The following PRKG2 variants were observed in gnomAD, a reference collection of about 807,000 sequenced individuals.
PRKG2 encodes the protein cGMP-dependent protein kinase 2.
A neutral mutation model predicts 97.2 loss-of-function variants in PRKG2; 33 were observed. That is an observed-to-expected ratio of 0.34 (90% CI 0.26 to 0.45). The LOEUF (loss-of-function observed/expected upper bound fraction) is 0.45, where lower values mean the gene tolerates loss of function less well. Among genes scored for constraint, PRKG2 ranks in the 20% least tolerant of loss-of-function variants. The pLI, the probability that PRKG2 is intolerant of heterozygous loss-of-function variation, is 1.00. For synonymous variants in PRKG2, 330 were observed against 321.8 expected (o/e 1.03, Z -0.27); for missense variants, 638 against 900.0 (o/e 0.71, Z 3.73).
intron 2 of PRKG2, among the ~76,000 whole-genome samples, chr4:81,180,699 CTAAT>C (rs1751328757): frequency 6.6e-6 from 1 of 152,160 alleles, no homozygotes; most frequent in Non-Finnish European, 1.5e-5. Flanking sequence ...ACACATCTCT[CTAAT>C]TAATAGAATA....
intron 14 of PRKG2, among the ~76,000 whole-genome samples, chr4:81,121,690 T>C (rs113638395): frequency 0.026 from 3,992 of 152,280 alleles, 171 homozygotes; most frequent in African/African-American, 0.091. Flanking sequence ...CCCTCTTTCA[T>C]TTCTGATATT....
intron 14 of PRKG2, among the ~76,000 whole-genome samples, chr4:81,119,887 G>T (rs543705841): frequency 6.6e-6 from 1 of 152,130 alleles, no homozygotes; most frequent in East Asian, 1.9e-4. Context: ...TGTTAGCCAG[G>T]ATGGTCTTGA....
At chr4:81,216,989 G>C (rs1298663951), upstream of PRKG2, among the ~76,000 whole-genome samples, 1 of 145,516 alleles carries the variant, frequency 6.9e-6, no homozygotes, top group South Asian at 2.2e-4. Context: ...GGTACACAGT[G>C]TATGTGTGTG....
intron 5 of PRKG2, among the ~76,000 whole-genome samples, chr4:81,168,588 G>A (rs531829655): frequency 1.3e-5 from 2 of 151,990 alleles, no homozygotes; most frequent in African/African-American, 4.8e-5. Flanking sequence ...AACCTATGTT[G>A]CTCAGTTGGT....
chr4:81,182,737 T>C (rs1218709831), intron 2 of PRKG2, among the ~76,000 whole-genome samples: 7 of 152,116 alleles, frequency 4.6e-5, no homozygotes, highest in Non-Finnish European at 7.4e-5. Context: ...AATTTAATTG[T>C]ATTTCTATAT....
intron 1 of PRKG2, among the ~76,000 whole-genome samples, chr4:81,213,905 T>G (rs1213567090): frequency 6.6e-6 from 1 of 152,066 alleles, no homozygotes; most frequent in African/African-American, 2.4e-5. Context: ...TCGTTTATTC[T>G]TAGTCATACA....
intron 17 of PRKG2, 47 bp from the exon 18 acceptor site, chr4:81,092,499 AGG>A: frequency 9.3e-7 from 1 of 1,080,288 alleles, no homozygotes; most frequent in South Asian, 1.4e-5. Context: ...GAAGGAAGGA[AGG>A]AAGGAAGGAA....
intron 10 of PRKG2, 53 bp from the exon 11 acceptor site, chr4:81,143,000 T>G: frequency 6.6e-7 from 1 of 1,508,262 alleles, no homozygotes; most frequent in Non-Finnish European, 8.9e-7. Context: ...TAAGAAGGTG[T>G]CATGCCATAC....
chr4:81,171,213 T>C (rs572968821), intron 4 of PRKG2, among the ~76,000 whole-genome samples: 7 of 151,752 alleles, frequency 4.6e-5, no homozygotes, highest in Non-Finnish European at 8.8e-5. Context: ...CCTCCCTGTG[T>C]CCATGTGTTC....
intron 17 of PRKG2, among the ~76,000 whole-genome samples, chr4:81,100,247 G>C (rs570993946): frequency 7.2e-4 from 109 of 152,068 alleles, no homozygotes; most frequent in Non-Finnish European, 8.5e-4. Context: ...AAAGAGCCCG[G>C]ATTGCCAAGT....
At position 81,140,534 on chromosome 4, in the gene PRKG2, T is replaced by G. The variant is rs373273232; in HGVS notation, c.1543A>C (p.Lys515Gln). ...LEELCSPFIV[K>Q]LYRTFKDNKY... ...CTTGGAAGCCAAGTGGTCACTTACT[T>G]CACAATGAATGGAGAGCACAGCTCC... Residue 515 changes from lysine to glutamine, a missense_variant and splice_region_variant, in exon 12 of 19, where the codon AAA (lysine) becomes CAA (glutamine). Lys to Gln is a moderately conservative substitution (Grantham distance 53, BLOSUM62 1). Around this residue, in one of 3 missense-constraint regions of PRKG2, gnomAD observed 304 missense variants for 460.5 expected, o/e 0.66. Coordinates refer to ENST00000264399, the MANE Select transcript of PRKG2 (RefSeq NM_006259.3). 47 of 1,578,866 alleles carry G rather than the reference T, an allele frequency of 3.0e-5. No homozygotes were observed. The African/African-American group carries it at 6.2e-4, about 21-fold the overall frequency.
chr4:81,102,837 T>C (rs146282075), intron 17 of PRKG2, among the ~76,000 whole-genome samples: 21 of 152,308 alleles, frequency 1.4e-4, no homozygotes, highest in Admixed American at 1.4e-3. Flanking sequence ...ATAGCATTTC[T>C]ATTCAGCAAC....
At chr4:81,094,261 T>C (rs979019250) in intron 17 of PRKG2, among the ~76,000 whole-genome samples, 1 of 152,146 alleles carries the variant, frequency 6.6e-6, no homozygotes, top group Non-Finnish European at 1.5e-5. Context: ...CTGTAGCTAT[T>C]TTTGGGAAAG....
intron 18 of PRKG2, among the ~76,000 whole-genome samples, chr4:81,091,832 AAACCATTAGC>A (rs1291331573): frequency 6.6e-6 from 1 of 152,192 alleles, no homozygotes; most frequent in African/African-American, 2.4e-5. Context: ...TCCAATAACA[AAACCATTAGC>A]AACACGAAGT....
chr4:81,145,661 T>C (rs1170612761), intron 9 of PRKG2, among the ~76,000 whole-genome samples: 1 of 152,178 alleles, frequency 6.6e-6, no homozygotes, highest in Non-Finnish European at 1.5e-5. Context: ...GTCAACTTTC[T>C]TGATTACTTC....
At chr4:81,159,416 T>G (rs562463524) in intron 6 of PRKG2, among the ~76,000 whole-genome samples, 1 of 152,178 alleles carries the variant, frequency 6.6e-6, no homozygotes, top group South Asian at 2.1e-4. Flanking sequence ...GAGATACCAT[T>G]TCACACCAGT....
intron 17 of PRKG2, among the ~76,000 whole-genome samples, chr4:81,095,525 T>C (rs1742031023): frequency 6.6e-6 from 1 of 152,226 alleles, no homozygotes; most frequent in Non-Finnish European, 1.5e-5. Context: ...ACCATCACTC[T>C]ACTGAATCAA....
chr4:81,165,209 A>G (rs1050491414), intron 6 of PRKG2, among the ~76,000 whole-genome samples: 1 of 152,152 alleles, frequency 6.6e-6, no homozygotes, highest in Non-Finnish European at 1.5e-5. Context: ...AGCTAAAGCA[A>G]GAAATGCCAT....
intron 3 of PRKG2, chr4:81,173,746 T>C (rs1257469266): frequency 6.6e-6 from 1 of 152,054 alleles, no homozygotes; most frequent in African/African-American, 2.4e-5. Flanking sequence ...TACATGTTTA[T>C]TAATTTGTTT....
Sources: gnomAD v4.1 joint callset for allele counts (sites outside exome capture counted in the v4.1 genomes callset) on GRCh38, gnomAD v4.1.1 for gene constraint, gnomAD v4.1.1 regional missense constraint, MANE v1.5 for transcripts, NCBI Gene and HGNC (gene_info 2026-07-23, HGNC 2026-07-21) for gene names.